Variants in UBAP2L observed in about 807,000 individuals in gnomAD.
UBAP2L encodes ubiquitin associated protein 2 like.
UBAP2L carries 12 observed loss-of-function variants against 130.6 expected under a neutral mutation model. The observed-to-expected ratio is 0.09, with a 90% CI of 0.06 to 0.15. UBAP2L has a LOEUF of 0.15. UBAP2L is among the 10% of genes least tolerant of loss of function. UBAP2L has a pLI of 1.00. For synonymous variants in UBAP2L, 503 were observed against 524.7 expected (o/e 0.96, Z 0.57); for missense variants, 965 against 1,332.5 (o/e 0.72, Z 4.29).
intron 11 of UBAP2L, 113 bp from the exon 12 acceptor site, chr1:154,249,126 G>A (rs1676651536): frequency 1.1e-6 from 1 of 951,754 alleles, no homozygotes; most frequent in Non-Finnish European, 1.7e-6. Flanking sequence ...CAGTGTGACA[G>A]TATTCTTTAC....
intron 20 of UBAP2L, among the ~76,000 whole-genome samples, chr1:154,258,364 A>G (rs561629058): frequency 3.3e-5 from 5 of 152,336 alleles, no homozygotes; most frequent in South Asian, 2.1e-4. Flanking sequence ...TCCTGACTCA[A>G]TCTGGGACTT....
chr1:154,231,108 C>G (rs761247541), intron 4 of UBAP2L, among the ~76,000 whole-genome samples: 1 of 152,014 alleles, frequency 6.6e-6, no homozygotes, highest in Non-Finnish European at 1.5e-5. Context: ...CAACAAACTA[C>G]CAAGTCTTGG....
At chr1:154,241,695 AAT>A (rs1213065034) in intron 9 of UBAP2L, 130 bp downstream of exon 9, 1 of 1,481,100 alleles carries the variant, frequency 6.8e-7, no homozygotes, top group Non-Finnish European at 9.0e-7. Context: ...TTACATCCAA[AAT>A]AGTGTTCTGA....
At chr1:154,235,073 A>T in intron 5 of UBAP2L, 123 bp from the exon 6 acceptor site, 1 of 664,418 alleles carries the variant, frequency 1.5e-6, no homozygotes, top group Non-Finnish European at 2.7e-6. Flanking sequence ...TTGTTTTTTT[A>T]ATTCCCAATA....
intron 2 of UBAP2L, among the ~76,000 whole-genome samples, chr1:154,226,964 A>G (rs910512541): frequency 1.3e-5 from 2 of 152,212 alleles, no homozygotes; most frequent in Admixed American, 6.5e-5. Flanking sequence ...CTGGACCTAC[A>G]GGTGTGCACC....
intron 3 of UBAP2L, among the ~76,000 whole-genome samples, chr1:154,228,080 A>G (rs1260855253): frequency 6.6e-6 from 1 of 152,110 alleles, no homozygotes; most frequent in East Asian, 1.9e-4. Context: ...TGGCTTTTGG[A>G]AATAGAATAC....
At chr1:154,262,643 T>G (rs548163078) in intron 24 of UBAP2L, among the ~76,000 whole-genome samples, 3 of 152,222 alleles carry the variant, frequency 2.0e-5, no homozygotes, top group South Asian at 4.1e-4. Context: ...TTTCAATAAT[T>G]GGGAAGAGCA....
At chr1:154,246,104 C>T in intron 10 of UBAP2L, 100 bp from the exon 11 acceptor site, 5 of 1,335,358 alleles carry the variant, frequency 3.7e-6, no homozygotes, top group South Asian at 1.5e-5. Context: ...TAGAAGAAGC[C>T]CCAGCAAGTG....
At chr1:154,227,490 TAGG>T in intron 3 of UBAP2L, 131 bp downstream of exon 3, 2 of 747,168 alleles carry the variant, frequency 2.7e-6, no homozygotes, top group Non-Finnish European at 4.4e-6. Context: ...TGAAATATAA[TAGG>T]TCAGGCCAAT....
chr1:154,230,377 A>G (rs1443130336), intron 4 of UBAP2L, among the ~76,000 whole-genome samples: 2 of 152,240 alleles, frequency 1.3e-5, no homozygotes, highest in African/African-American at 2.4e-5. Context: ...AATTTCTTTG[A>G]GACAATGGGA....
At chr1:154,240,749 G>A (rs1673248451) in intron 8 of UBAP2L, among the ~76,000 whole-genome samples, 1 of 151,712 alleles carries the variant, frequency 6.6e-6, no homozygotes, top group Non-Finnish European at 1.5e-5. Context: ...AACCATTTGT[G>A]TTTCTCTATC....
At position 154,250,985 on chromosome 1, in the gene UBAP2L, A is replaced by G; in HGVS notation, c.1214-56A>G. ...CATGGTGCTAGTGCAGGACAATAGC[A>G]TTTCCTTGAGATTCATTAGCATCTC... On this transcript the variant is annotated intron_variant, in intron 12 of 26. Coordinates refer to ENST00000428931, the MANE Select transcript of UBAP2L (RefSeq NM_014847.4). The G allele has an allele frequency of 3.2e-6, 5 of 1,549,076 alleles. No homozygotes were observed. The South Asian group carries it at 3.7e-5, about 11-fold the overall frequency.
At chr1:154,270,882 A>G (rs1325732958), downstream of UBAP2L, 18 of 1,547,650 alleles carry the variant, frequency 1.2e-5, no homozygotes, top group Non-Finnish European at 1.6e-5. Flanking sequence ...TCCGTCTAGG[A>G]CATCCTCAAT....
At position 154,235,223 on chromosome 1, in the gene UBAP2L, G is replaced by T. The variant is rs779985986; in HGVS notation, c.476G>T (p.Gly159Val). Residue 159 changes from glycine (G) to valine (V), a missense_variant, in exon 6 of 27, where the codon GGC (glycine) becomes GTC (valine). Gly to Val is a moderately radical substitution (Grantham distance 109). Coordinates refer to ENST00000428931, the MANE Select transcript of UBAP2L (RefSeq NM_014847.4). ...EFRGQENGLDGTKSGGPSGRG... is the reference protein window; with the variant it reads ...EFRGQENGLDVTKSGGPSGRG... ...CGAGGTCAGGAAAATGGATTGGATG[G>T]CACCAAGAGTGGAGGGCCTTCTGGA... is the stretch of plus-strand genomic sequence containing the variant. 1.3e-6 allele frequency: 1 copy of T among 778,232 alleles called. No individual in the cohort carries two copies. Among genetic ancestry groups the T allele is most frequent in the Non-Finnish European group, 2.4e-6 (1 of 417,430 alleles). The allele number at this position is 778,232 out of a possible 1,614,324, so 48.2% of individuals were successfully genotyped here. A position where few individuals can be genotyped will look rare whatever the true frequency, so the allele number is the denominator to read the frequency against.
At chr1:154,252,081 C>G (rs1425589178) in intron 14 of UBAP2L, among the ~76,000 whole-genome samples, 2 of 151,974 alleles carry the variant, frequency 1.3e-5, no homozygotes, top group African/African-American at 4.8e-5. Flanking sequence ...TCAAGCGATT[C>G]TCCTGCCTCA....
intron 8 of UBAP2L, among the ~76,000 whole-genome samples, chr1:154,240,593 A>G (rs1347279330): frequency 6.6e-6 from 1 of 152,124 alleles, no homozygotes; most frequent in African/African-American, 2.4e-5. Context: ...CTTTTCTTAT[A>G]CAGTTAAACC....
chr1:154,224,527 G>T (rs1465949294), intron 1 of UBAP2L, among the ~76,000 whole-genome samples: 1 of 152,192 alleles, frequency 6.6e-6, no homozygotes, highest in Non-Finnish European at 1.5e-5. Context: ...CATACTGAGA[G>T]AGATGAAACT....
intron 8 of UBAP2L, among the ~76,000 whole-genome samples, chr1:154,237,551 G>A (rs575677575): frequency 6.6e-6 from 1 of 152,268 alleles, no homozygotes; most frequent in South Asian, 2.1e-4. Context: ...TGAAAAGATA[G>A]CCAGAATTAA....
upstream of UBAP2L, chr1:154,220,545 C>T (rs1665537973): frequency 4.6e-6 from 4 of 862,088 alleles, no homozygotes; most frequent in South Asian, 5.9e-5. Context: ...CCAAGCCAGA[C>T]CCGGCCTGAA....
Sources: allele counts gnomAD v4.1 joint callset (sites outside exome capture counted in the v4.1 genomes callset), GRCh38; gene constraint gnomAD v4.1.1; transcripts MANE v1.5; gene names NCBI Gene and HGNC (gene_info 2026-07-23, HGNC 2026-07-21).